The following GRM7 variants were observed in gnomAD, a reference collection of about 807,000 sequenced individuals.
The protein encoded by GRM7 is glutamate metabotropic receptor 7, also known as metabotropic glutamate receptor 7.
GRM7 carries 35 observed loss-of-function variants against 84.5 expected under a neutral mutation model. That is an observed-to-expected ratio of 0.41 (90% CI 0.32 to 0.55). The LOEUF (loss-of-function observed/expected upper bound fraction) is 0.55, where lower values mean the gene tolerates loss of function less well. GRM7 is among the 20% of genes least tolerant of loss of function. The pLI is 0.19. For synonymous variants in GRM7, 487 were observed against 455.1 expected (o/e 1.07, Z -0.89); for missense variants, 1,003 against 1,194.6 (o/e 0.84, Z 2.36).
At chr3:7,553,786 G>A (rs1052984086) in intron 7 of GRM7, among the ~76,000 whole-genome samples, 5 of 152,174 alleles carry the variant, frequency 3.3e-5, no homozygotes, top group Admixed American at 6.5e-5. Flanking sequence ...TGACACGTGA[G>A]GATTATGGGG....
At chr3:7,641,454 A>G (rs1698360049) in intron 8 of GRM7, among the ~76,000 whole-genome samples, 1 of 152,188 alleles carries the variant, frequency 6.6e-6, no homozygotes, top group Non-Finnish European at 1.5e-5. Context: ...GCTGAATATT[A>G]TCTAATCTTG....
intron 2 of GRM7, among the ~76,000 whole-genome samples, chr3:7,256,401 T>C (rs1698200207): frequency 2.0e-5 from 3 of 152,180 alleles, no homozygotes; most frequent in Admixed American, 2.0e-4. Flanking sequence ...TGTAGTTTGT[T>C]TGAAGGAACA....
At chr3:6,870,645 G>A (rs2124941646) in intron 1 of GRM7, among the ~76,000 whole-genome samples, 1 of 152,290 alleles carries the variant, frequency 6.6e-6, no homozygotes, top group East Asian at 1.9e-4. Flanking sequence ...GTATCTGGGA[G>A]AACAGAGAAG....
intron 1 of GRM7, among the ~76,000 whole-genome samples, chr3:6,895,782 C>T (rs946069085): frequency 6.6e-6 from 1 of 152,130 alleles, no homozygotes; most frequent in Non-Finnish European, 1.5e-5. Flanking sequence ...TCTAAGTTAT[C>T]CACATAATAT....
chr3:7,517,539 C>T (rs1300349916), intron 7 of GRM7, among the ~76,000 whole-genome samples: 1 of 152,030 alleles, frequency 6.6e-6, no homozygotes, highest in African/African-American at 2.4e-5. Context: ...ATTACAGGCA[C>T]CTGCCACCAT....
At chr3:6,982,404 A>C (rs1252042236) in intron 1 of GRM7, among the ~76,000 whole-genome samples, 3 of 152,182 alleles carry the variant, frequency 2.0e-5, no homozygotes, top group Non-Finnish European at 4.4e-5. Context: ...TGACATTTTG[A>C]TCAGTCATAA....
intron 1 of GRM7, among the ~76,000 whole-genome samples, chr3:6,987,087 T>C (rs1466182829): frequency 1.3e-5 from 2 of 152,212 alleles, no homozygotes; most frequent in Admixed American, 6.5e-5. Context: ...TCCTCTGTTC[T>C]TTCGTTTCCT....
At chr3:7,379,304 G>A (rs530929084) in intron 4 of GRM7, among the ~76,000 whole-genome samples, 6 of 152,142 alleles carry the variant, frequency 3.9e-5, no homozygotes, top group African/African-American at 1.4e-4. Flanking sequence ...GCTTGCCCAT[G>A]CTGGTCTCAA....
intron 8 of GRM7, among the ~76,000 whole-genome samples, chr3:7,595,548 A>C (rs1368953182): frequency 6.6e-6 from 1 of 152,184 alleles, no homozygotes; most frequent in Non-Finnish European, 1.5e-5. Flanking sequence ...TGGTTAAATT[A>C]ATCAAATATG....
At chr3:7,647,214 A>C (rs1254733579) in intron 8 of GRM7, among the ~76,000 whole-genome samples, 1 of 152,216 alleles carries the variant, frequency 6.6e-6, no homozygotes. Flanking sequence ...TCCGAGCCAA[A>C]GAATTAGAGC....
chr3:6,888,374 T>G (rs949966460), intron 1 of GRM7, among the ~76,000 whole-genome samples: 1 of 152,220 alleles, frequency 6.6e-6, no homozygotes, highest in Non-Finnish European at 1.5e-5. Flanking sequence ...TGTCTAACGT[T>G]TAAGTCTTTA....
chr3:7,083,071 G>C (rs6792992), intron 1 of GRM7, among the ~76,000 whole-genome samples: 74,733 of 151,978 alleles, frequency 0.49, 19,508 homozygotes, highest in African/African-American at 0.68. Context: ...GGCTTTGAGA[G>C]GATTGACTCC....
chr3:7,714,185 G>T (rs1559502254), intron 9 of GRM7, among the ~76,000 whole-genome samples: 1 of 152,060 alleles, frequency 6.6e-6, no homozygotes, highest in African/African-American at 2.4e-5. Context: ...TAACCTGAAG[G>T]CTTTATTAAA....
chr3:7,206,655 T>A (rs951700114), intron 2 of GRM7, among the ~76,000 whole-genome samples: 5 of 152,210 alleles, frequency 3.3e-5, no homozygotes, highest in Non-Finnish European at 7.4e-5. Flanking sequence ...CCTATATTTA[T>A]ATCTGCTAAA....
At chr3:7,100,219 G>A (rs747584956) in intron 1 of GRM7, among the ~76,000 whole-genome samples, 1 of 151,452 alleles carries the variant, frequency 6.6e-6, no homozygotes, top group South Asian at 2.1e-4. Context: ...TGCACTTCTC[G>A]TTTGTTTTAA....
chr3:7,461,454 G>A (rs1698242033), intron 6 of GRM7, 129 bp from the exon 7 acceptor site: 2 of 652,320 alleles, frequency 3.1e-6, no homozygotes, highest in Non-Finnish European at 5.2e-6. Context: ...GTTTTGGGGG[G>A]ACCTATTAAA....
chr3:7,397,071 A>T (rs1289813151), intron 4 of GRM7, among the ~76,000 whole-genome samples: 1 of 152,128 alleles, frequency 6.6e-6, no homozygotes, highest in Non-Finnish European at 1.5e-5. Flanking sequence ...TTCAGATTGA[A>T]AACACCATTT....
intron 1 of GRM7, among the ~76,000 whole-genome samples, chr3:6,945,549 A>G (rs1310451339): frequency 1.3e-5 from 2 of 152,166 alleles, no homozygotes; most frequent in Non-Finnish European, 2.9e-5. Context: ...TTATAGCAGC[A>G]TGATTTATAA....
chr3:7,592,150 G>T (rs983073385), intron 8 of GRM7, among the ~76,000 whole-genome samples: 3 of 152,066 alleles, frequency 2.0e-5, no homozygotes, highest in Non-Finnish European at 4.4e-5. Context: ...TGCAGAAGAG[G>T]CATGAGCAAG....
Sources: gnomAD v4.1 joint callset for allele counts (sites outside exome capture counted in the v4.1 genomes callset) on GRCh38, gnomAD v4.1.1 for gene constraint, MANE v1.5 for transcripts, NCBI Gene and HGNC (gene_info 2026-07-23, HGNC 2026-07-21) for gene names.